The following KALRN variants were observed in gnomAD, a reference collection of about 807,000 sequenced individuals.
The protein encoded by KALRN is kalirin RhoGEF kinase, also known as kalirin.
Under a neutral mutation model 353.7 loss-of-function variants are expected in KALRN, and 70 were observed. That is an observed-to-expected ratio of 0.20 (90% CI 0.16 to 0.24). KALRN has a LOEUF of 0.24. KALRN is among the 10% of genes least tolerant of loss of function. The pLI, the probability that KALRN is intolerant of heterozygous loss-of-function variation, is 1.00. For missense variants in KALRN, 2,791 were observed against 3,756.7 expected, an observed-to-expected ratio of 0.74 and a Z score of 6.72; for synonymous variants, 1,391 against 1,434.8, an observed-to-expected ratio of 0.97 and a Z score of 0.69.
chr3:124,369,488 A>G (rs1220395775), intron 10 of KALRN, among the ~76,000 whole-genome samples: 1 of 152,188 alleles, frequency 6.6e-6, no homozygotes, highest in Non-Finnish European at 1.5e-5. Flanking sequence ...AGAAACATGT[A>G]TGTATGTATT....
intron 3 of KALRN, among the ~76,000 whole-genome samples, chr3:124,261,096 G>A (rs1476046446): frequency 6.6e-6 from 1 of 151,198 alleles, no homozygotes; most frequent in Admixed American, 6.6e-5. Context: ...CACCACGCCG[G>A]CCAGGCTGGT....
At chr3:124,069,469 A>G (rs1287234308) in intron 1 of KALRN, among the ~76,000 whole-genome samples, 1 of 152,210 alleles carries the variant, frequency 6.6e-6, no homozygotes, top group Non-Finnish European at 1.5e-5. Flanking sequence ...GCCCAGGGTC[A>G]GTGCTAGAGA....
At chr3:124,664,372 C>CGCGCGCGCGCAT (rs2085321612) in intron 45 of KALRN, among the ~76,000 whole-genome samples, 1 of 109,610 alleles carries the variant, frequency 9.1e-6, no homozygotes, top group Admixed American at 9.4e-5. Context: ...TGTGTGTGTG[C>CGCGCGCGCGCAT]GCGCGCGCGC....
chr3:124,547,337 A>G (rs2069814947), intron 33 of KALRN, among the ~76,000 whole-genome samples: 2 of 151,896 alleles, frequency 1.3e-5, no homozygotes, highest in South Asian at 4.2e-4. Flanking sequence ...TTTACAGACA[A>G]GGTCTCGCTT....
At chr3:124,118,381 A>G (rs185312549) in intron 1 of KALRN, among the ~76,000 whole-genome samples, 22 of 152,102 alleles carry the variant, frequency 1.4e-4, no homozygotes, top group Non-Finnish European at 8.8e-5. Context: ...TTTTCTTAGG[A>G]TCTAGGGAAG....
chr3:124,469,487 C>T (rs1379706135), intron 25 of KALRN, among the ~76,000 whole-genome samples: 1 of 152,176 alleles, frequency 6.6e-6, no homozygotes, highest in Non-Finnish European at 1.5e-5. Context: ...ATCTTAGCCC[C>T]TATGGTCTAG....
At chr3:124,287,457 G>A (rs1031892376) in intron 5 of KALRN, among the ~76,000 whole-genome samples, 2 of 151,514 alleles carry the variant, frequency 1.3e-5, no homozygotes, top group African/African-American at 4.9e-5. Context: ...CATCCATCAA[G>A]ACTATTCCTG....
rs536710057 is a variant in KALRN, at chr3:124,385,293, A to G, written c.1962+257A>G. On this transcript the variant is annotated intron_variant, in intron 11 of 59. Coordinates refer to ENST00000682506, the MANE Select transcript of KALRN (RefSeq NM_001388419.1). ...TGGTTTTCGGGGCATCTGCTAGAGCATGCAATCTGCAGCTGGAGAAATGTG... is the reference window on the plus strand; with the variant it reads ...TGGTTTTCGGGGCATCTGCTAGAGCGTGCAATCTGCAGCTGGAGAAATGTG... Among the ~76,000 whole-genome samples, 3 of 152,292 alleles carry G rather than the reference A, an allele frequency of 2.0e-5. No individual in the cohort carries two copies. The East Asian group carries it at 5.8e-4, about 29-fold the overall frequency.
intron 34 of KALRN, among the ~76,000 whole-genome samples, chr3:124,596,689 T>A (rs2076296093): frequency 6.6e-6 from 1 of 152,206 alleles, no homozygotes; most frequent in East Asian, 1.9e-4. Flanking sequence ...TGAGTTGATG[T>A]ATGTAAATCA....
intron 49 of KALRN, chr3:124,675,003 G>GAT (rs141101032): frequency 0.18 from 26,123 of 146,404 alleles, 2,466 homozygotes; most frequent in Middle Eastern, 0.23. Flanking sequence ...TTAAGTAACT[G>GAT]ATATATATAT....
chr3:124,714,256 A>G (rs1354881367), intron 58 of KALRN, among the ~76,000 whole-genome samples: 3 of 152,204 alleles, frequency 2.0e-5, no homozygotes, highest in South Asian at 4.1e-4. Flanking sequence ...ACATTATTCT[A>G]TTGCTAGTGA....
intron 18 of KALRN, among the ~76,000 whole-genome samples, chr3:124,441,091 T>C (rs1165616701): frequency 1.3e-5 from 2 of 152,164 alleles, no homozygotes; most frequent in African/African-American, 4.8e-5. Flanking sequence ...ATTAGTGATA[T>C]TTAGATGAGG....
chr3:124,480,409 A>G (rs543351268), intron 27 of KALRN, among the ~76,000 whole-genome samples: 22 of 152,208 alleles, frequency 1.4e-4, no homozygotes, highest in Non-Finnish European at 4.4e-5. Context: ...TCATAGCCCC[A>G]TAACAAGTCC....
chr3:124,475,705 A>G (rs2061369730), intron 26 of KALRN, among the ~76,000 whole-genome samples: 1 of 152,184 alleles, frequency 6.6e-6, no homozygotes, highest in East Asian at 1.9e-4. Context: ...TAGGAGGTTG[A>G]CTAGTTCACT....
intron 21 of KALRN, among the ~76,000 whole-genome samples, chr3:124,448,695 A>T (rs1350643609): frequency 6.6e-6 from 1 of 151,394 alleles, no homozygotes; most frequent in Non-Finnish European, 1.5e-5. Context: ...TCCCTGCACT[A>T]CGGCCCTTGT....
At chr3:124,601,856 C>T (rs1447606040) in intron 34 of KALRN, among the ~76,000 whole-genome samples, 1 of 122,220 alleles carries the variant, frequency 8.2e-6, no homozygotes, top group Non-Finnish European at 1.7e-5. Context: ...ATGGCGAAAC[C>T]CCATCTCTAG....
intron 21 of KALRN, among the ~76,000 whole-genome samples, chr3:124,453,875 T>C (rs1187230807): frequency 6.6e-6 from 1 of 152,182 alleles, no homozygotes; most frequent in African/African-American, 2.4e-5. Flanking sequence ...ATTCCTATAG[T>C]GTTAACTCTA....
intron 10 of KALRN, among the ~76,000 whole-genome samples, chr3:124,368,133 C>T (rs1344092875): frequency 4.4e-5 from 3 of 68,616 alleles, no homozygotes; most frequent in Non-Finnish European, 8.4e-5. Context: ...GCTGGCCAGG[C>T]GGGGGGCTGA....
In KALRN at chr3:124,627,740, C is replaced by T. The variant is rs934663927; in HGVS notation, c.5183-4680C>T. 2.6e-5 allele frequency among the ~76,000 whole-genome samples: 4 copies of T among 152,192 alleles called. No homozygotes were observed. In the East Asian group the frequency reaches 7.7e-4, roughly 29 times the overall value. ...TGTTCTGAAGATGTTTATCACCCAG[C>T]CTTCTGAGAACAGTAGTTTGACCCA... On this transcript the variant is annotated intron_variant, in intron 34 of 59. Coordinates refer to ENST00000682506, the MANE Select transcript of KALRN (RefSeq NM_001388419.1).
Sources: gnomAD v4.1 joint callset for allele counts (sites outside exome capture counted in the v4.1 genomes callset) on GRCh38, gnomAD v4.1.1 for gene constraint, MANE v1.5 for transcripts, NCBI Gene and HGNC (gene_info 2026-07-23, HGNC 2026-07-21) for gene names.